PTPN2: variants seen among roughly 807,000 people sequenced by gnomAD.
The protein encoded by PTPN2 is protein tyrosine phosphatase non-receptor type 2.
A neutral mutation model predicts 57.3 loss-of-function variants in PTPN2; 19 were observed. That is an observed-to-expected ratio of 0.33 (90% CI 0.23 to 0.49). PTPN2 has a LOEUF of 0.49. Among genes scored for constraint, PTPN2 ranks in the 20% least tolerant of loss-of-function variants. The pLI is 0.99. For missense variants in PTPN2, 358 were observed against 501.1 expected (o/e 0.71, Z 2.73); for synonymous variants, 153 against 164.9 (o/e 0.93, Z 0.55).
intron 4 of PTPN2, among the ~76,000 whole-genome samples, chr18:12,829,138 T>A (rs183559314): frequency 6.5e-4 from 99 of 152,154 alleles, no homozygotes; most frequent in African/African-American, 2.3e-3. Flanking sequence ...GCTCAAGCGA[T>A]CCACCCAACT....
chr18:12,824,865 C>T (rs531085320), intron 5 of PTPN2, among the ~76,000 whole-genome samples: 2 of 152,096 alleles, frequency 1.3e-5, no homozygotes, highest in South Asian at 4.2e-4. Flanking sequence ...GTGGGAGGAT[C>T]GCTTGAGCTC....
Position 12,793,106 on chromosome 18 carries a change from TAAC to T in PTPN2, c.*1169_*1171del, listed in dbSNP as rs2041033034. ...CCATGCCTCCTAGCAATTAAATTTG[TAAC>T]AACAATTTCAAGTTTAAGTAAGACA... On this transcript the variant is annotated 3_prime_UTR_variant, in exon 9 of 9. Coordinates refer to ENST00000309660, the MANE Select transcript of PTPN2 (RefSeq NM_002828.4). 2 of 985,016 alleles carry T rather than the reference TAAC, an allele frequency of 2.0e-6. No individual in the cohort carries two copies. Among genetic ancestry groups the T allele is most frequent in the Admixed American group, 6.1e-5 (1 of 16,280 alleles). 61.0% of individuals were successfully genotyped at this position (985,016 alleles called of 1,614,324 possible).
At chr18:12,871,908 C>T (rs1329677055) in intron 1 of PTPN2, among the ~76,000 whole-genome samples, 3 of 151,880 alleles carry the variant, frequency 2.0e-5, no homozygotes, top group East Asian at 1.9e-4. Context: ...ATTAGCTGGG[C>T]GTGGTGGTGC....
chr18:12,857,371 C>T lies in PTPN2; in HGVS notation c.160+1793G>A, dbSNP rs371431611. 1.9e-4 allele frequency among the ~76,000 whole-genome samples: 29 copies of T among 152,168 alleles called. No homozygotes were observed. The East Asian group carries it at 5.2e-3, about 27-fold the overall frequency. On this transcript the variant is annotated intron_variant, in intron 2 of 8. Transcript: ENST00000309660. ...ATGAGTGCATGTAAAACTGGTGAAA[C>T]CTGGATGGACTGTATTGTTTCAGGT... is the stretch of plus-strand genomic sequence containing the variant.
chr18:12,810,724 G>A (rs919768024), intron 7 of PTPN2, among the ~76,000 whole-genome samples: 1 of 152,198 alleles, frequency 6.6e-6, no homozygotes, highest in African/African-American at 2.4e-5. Flanking sequence ...TCTAGAGGAT[G>A]GAAAACACGC....
rs1447598742 is a variant in PTPN2 at position 12,825,811 on chromosome 18, T to C, written c.494A>G (p.Asn165Ser). 3.7e-6 allele frequency: 6 copies of C among 1,603,988 alleles called. No homozygotes were observed. The highest frequency in any genetic ancestry group is 1.1e-5 in the South Asian group (1 of 88,942). ...AATTTCGGGCAAGAAAGGTCTTACA[T>C]TGATATTTTCTAATTGTAGTAGATG... is the stretch of plus-strand genomic sequence containing the variant. The part of the protein sequence containing the change: ...TVHLLQLENI[N>S]SGETRTISHF... The change falls in exon 5 of 9, where the codon AAT becomes AGT. Residue 165 changes from asparagine (N) to serine (S), a missense_variant and splice_region_variant. Around this residue, in one of 4 missense-constraint regions of PTPN2, gnomAD observed 193 missense variants for 315.4 expected, o/e 0.61. Coordinates refer to ENST00000309660, the MANE Select transcript of PTPN2 (RefSeq NM_002828.4).
At position 12,802,002 on chromosome 18, in the gene PTPN2, T is replaced by C. The variant is rs752016470; in HGVS notation, c.1008A>G (p.Lys336=). The C allele has an allele frequency of 1.9e-6, 3 of 1,609,648 alleles. No homozygotes were observed. ...TGTTCTCCTCCATTGTATCTTGCAT[T>C]TTAGAGGAAAGTCCTGTACATCGGT... ...TGDRCTGLSS[K]MQDTMEENSE... The change falls in exon 8 of 9, where the codon AAA becomes AAG. Residue 336 remains lysine, a synonymous_variant. Coordinates refer to ENST00000309660, the MANE Select transcript of PTPN2 (RefSeq NM_002828.4).
At chr18:12,821,785 C>G (rs1568112558) in intron 5 of PTPN2, among the ~76,000 whole-genome samples, 1 of 152,098 alleles carries the variant, frequency 6.6e-6, no homozygotes, top group Non-Finnish European at 1.5e-5. Context: ...CCAGGCTGAG[C>G]TGGGTCATGG....
chr18:12,843,446 C>T (rs2043111372), intron 2 of PTPN2, among the ~76,000 whole-genome samples: 1 of 152,172 alleles, frequency 6.6e-6, no homozygotes, highest in African/African-American at 2.4e-5. Flanking sequence ...AACAACCACA[C>T]CCTCACCCCA....
intron 1 of PTPN2, among the ~76,000 whole-genome samples, chr18:12,880,008 T>A (rs984183945): frequency 1.2e-4 from 19 of 152,228 alleles, no homozygotes; most frequent in Admixed American, 1.1e-3. Flanking sequence ...CCGAAATCAT[T>A]TGCTGCTGTA....
intron 5 of PTPN2, 65 bp downstream of exon 5, chr18:12,825,742 CTAA>C: frequency 6.9e-7 from 1 of 1,441,204 alleles, no homozygotes; most frequent in Non-Finnish European, 9.4e-7. Flanking sequence ...AACTTCAAAT[CTAA>C]TAATAAAGAA....
downstream of PTPN2, among the ~76,000 whole-genome samples, chr18:12,788,535 A>G (rs943724866): frequency 1.0e-4 from 15 of 148,844 alleles, no homozygotes; most frequent in Non-Finnish European, 1.8e-4. Flanking sequence ...GGCCTCCCAA[A>G]GTACTGGGAT....
At chr18:12,872,938 A>G (rs1385678538) in intron 1 of PTPN2, among the ~76,000 whole-genome samples, 1 of 152,204 alleles carries the variant, frequency 6.6e-6, no homozygotes, top group East Asian at 1.9e-4. Context: ...AGAATGTAAC[A>G]GGCTGGACGC....
In PTPN2 at chr18:12,802,013, GT is replaced by G; in HGVS notation, c.996del (p.Leu333PhefsTer36). 6.2e-7 allele frequency: 1 copy of G among 1,611,778 alleles called. No homozygotes were observed. The highest frequency in any genetic ancestry group is 8.5e-7 in the Non-Finnish European group (1 of 1,179,388). On this transcript the variant is annotated frameshift_variant, in exon 8 of 9. Coordinates refer to ENST00000309660, the MANE Select transcript of PTPN2 (RefSeq NM_002828.4). LOFTEE classifies it high-confidence loss of function. Reference protein sequence around the residue: ...EEKLTGDRCTGLSSKMQDTME... With the variant: ...EEKLTGDRCTXLSSKMQDTME... ...ATTGTATCTTGCATTTTAGAGGAAA[GT>G]CCTGTACATCGGTCACCTGTCAGTT...
intron 7 of PTPN2, among the ~76,000 whole-genome samples, chr18:12,805,351 G>C (rs2041602722): frequency 6.6e-6 from 1 of 151,916 alleles, no homozygotes; most frequent in African/African-American, 2.4e-5. Flanking sequence ...CAGCCACTCA[G>C]GTGGCTGAGG....
chr18:12,788,130 T>C (rs1370259581), downstream of PTPN2: 1 of 154,816 alleles, frequency 6.5e-6, no homozygotes, highest in Admixed American at 6.5e-5. Context: ...AGAAATTTGA[T>C]GTATCAAGAG....
At chr18:12,807,606 A>ATATATATATATATATATATATATATATAT (rs2041729662) in intron 7 of PTPN2, among the ~76,000 whole-genome samples, 3 of 92,188 alleles carry the variant, frequency 3.3e-5, no homozygotes, top group African/African-American at 3.3e-5. Flanking sequence ...TATATATATA[A>ATATATATATATATATATATATATATATAT]TATAATACTA....
downstream of PTPN2, among the ~76,000 whole-genome samples, chr18:12,788,836 A>T (rs1018562260): frequency 1.3e-5 from 2 of 152,132 alleles, no homozygotes; most frequent in African/African-American, 4.8e-5. Flanking sequence ...AGCATTGCTC[A>T]ATGCTGTTCT....
intron 1 of PTPN2, among the ~76,000 whole-genome samples, chr18:12,861,465 T>G (rs2043806245): frequency 6.6e-6 from 1 of 152,228 alleles, no homozygotes; most frequent in South Asian, 2.1e-4. Flanking sequence ...AAATTTTAGT[T>G]ACTACAGCTT....
Sources: allele counts gnomAD v4.1 joint callset (sites outside exome capture counted in the v4.1 genomes callset), GRCh38; gene constraint gnomAD v4.1.1; regional missense constraint gnomAD v4.1.1; transcripts MANE v1.5; gene names NCBI Gene and HGNC (gene_info 2026-07-23, HGNC 2026-07-21).